The following ATP6V0E1 variants were observed in gnomAD, a reference collection of about 807,000 sequenced individuals.
ATP6V0E1 encodes the protein ATPase H+ transporting V0 subunit e1.
In ATP6V0E1, 4 loss-of-function variants were observed where a neutral mutation model predicts 11.6. The observed-to-expected ratio is 0.35, with a 90% confidence interval of 0.17 to 0.79. The LOEUF (loss-of-function observed/expected upper bound fraction) is 0.79. ATP6V0E1 is among the 30% of genes least tolerant of loss of function. The pLI, the probability that ATP6V0E1 is intolerant of heterozygous loss-of-function variation, is 0.54. For synonymous variants in ATP6V0E1, 36 were observed against 34.8 expected, an observed-to-expected ratio of 1.04 and a Z score of -0.13; for missense variants, 105 against 100.0, an observed-to-expected ratio of 1.05 and a Z score of -0.21.
At chr5:173,001,254 G>C (rs1319583036) in intron 2 of ATP6V0E1, among the ~76,000 whole-genome samples, 1 of 152,156 alleles carries the variant, frequency 6.6e-6, no homozygotes, top group Non-Finnish European at 1.5e-5. Flanking sequence ...TTAATAAGGA[G>C]AAGCAGATAA....
At chr5:173,024,398 T>TGTTGTTGTTTTTTGTC (rs1443985818) in intron 3 of ATP6V0E1, among the ~76,000 whole-genome samples, 1 of 151,854 alleles carries the variant, frequency 6.6e-6, no homozygotes, top group Non-Finnish European at 1.5e-5. Flanking sequence ...TGTTTTTTGT[T>TGTTGTTGTTTTTTGTC]GTTGTTGTTT....
chr5:173,025,295 C>T (rs1756541297), intron 3 of ATP6V0E1, among the ~76,000 whole-genome samples: 1 of 151,052 alleles, frequency 6.6e-6, no homozygotes, highest in Admixed American at 6.6e-5. Context: ...TAGGCACACA[C>T]CACCACACCC....
chr5:172,986,129 G>C lies in ATP6V0E1; in HGVS notation c.104+2165G>C, dbSNP rs534100880. Among the ~76,000 whole-genome samples, 88 of 152,316 alleles carry C rather than the reference G, an allele frequency of 5.8e-4. No individual in the cohort carries two copies. In the South Asian group the frequency reaches 6.0e-3, roughly 10 times the overall value. On this transcript the variant is annotated intron_variant, in intron 1 of 3. Coordinates refer to ENST00000519374, the MANE Select transcript of ATP6V0E1 (RefSeq NM_003945.4). Reference sequence around the variant, plus strand: ...TGCAGGACTGGAAATTGCTGTGAGTGAGTCAGTGACTGGTGAGTGAATGTG... The same window carrying C: ...TGCAGGACTGGAAATTGCTGTGAGTCAGTCAGTGACTGGTGAGTGAATGTG...
At chr5:173,018,488 T>C (rs1756435511) in intron 2 of ATP6V0E1, among the ~76,000 whole-genome samples, 1 of 152,132 alleles carries the variant, frequency 6.6e-6, no homozygotes, top group Admixed American at 6.6e-5. Flanking sequence ...CAAGTCGACC[T>C]GCATGGTTCA....
chr5:173,009,287 T>G (rs183870253), intron 2 of ATP6V0E1, among the ~76,000 whole-genome samples: 73 of 151,742 alleles, frequency 4.8e-4, no homozygotes, highest in African/African-American at 1.7e-3. Context: ...CCATGCCCAG[T>G]GGTGGCACCT....
At chr5:173,014,093 A>G (rs1756368645) in intron 2 of ATP6V0E1, among the ~76,000 whole-genome samples, 1 of 146,750 alleles carries the variant, frequency 6.8e-6, no homozygotes, top group African/African-American at 2.5e-5. Context: ...CCCGGGAGGT[A>G]GAGGTTGCAG....
At chr5:172,996,594 C>A (rs1270692697) in intron 2 of ATP6V0E1, among the ~76,000 whole-genome samples, 1 of 151,504 alleles carries the variant, frequency 6.6e-6, no homozygotes. Context: ...TACATACATA[C>A]ATACATAAAG....
intron 2 of ATP6V0E1, among the ~76,000 whole-genome samples, chr5:172,998,047 C>T (rs982389778): frequency 3.3e-5 from 5 of 151,824 alleles, no homozygotes; most frequent in African/African-American, 4.8e-5. Flanking sequence ...GAAGTCAAGG[C>T]TACAGTGAGC....
At chr5:173,000,701 A>ATT (rs34202828) in intron 2 of ATP6V0E1, among the ~76,000 whole-genome samples, 22,453 of 139,866 alleles carry the variant, frequency 0.16, 2,444 homozygotes, top group African/African-American at 0.3. Flanking sequence ...ATTATCAGTG[A>ATT]TTTTTTTTTT....
intron 2 of ATP6V0E1, among the ~76,000 whole-genome samples, chr5:173,005,699 T>C (rs1041241104): frequency 1.3e-5 from 2 of 152,244 alleles, no homozygotes; most frequent in Admixed American, 1.3e-4. Flanking sequence ...TCCTTCTTAC[T>C]TTGGATTTAA....
chr5:172,986,748 T>C (rs1221245074), intron 1 of ATP6V0E1: 1 of 449,390 alleles, frequency 2.2e-6, no homozygotes, highest in Non-Finnish European at 4.4e-6. Flanking sequence ...AGGAGATGGA[T>C]GGGGAAGATA....
chr5:173,013,744 C>T (rs1043980170), intron 2 of ATP6V0E1, among the ~76,000 whole-genome samples: 5 of 152,060 alleles, frequency 3.3e-5, no homozygotes, highest in South Asian at 2.1e-4. Flanking sequence ...AGATATTTCT[C>T]AAAAGAAGAC....
intron 1 of ATP6V0E1, among the ~76,000 whole-genome samples, chr5:172,985,211 C>T (rs1396628128): frequency 6.8e-6 from 1 of 147,448 alleles, no homozygotes; most frequent in Admixed American, 6.9e-5. Flanking sequence ...CGCCACTGCA[C>T]TCCAGCCTGG....
intron 1 of ATP6V0E1, chr5:172,987,084 C>A: frequency 5.1e-6 from 1 of 195,380 alleles, no homozygotes; most frequent in South Asian, 7.0e-5. Context: ...CCACGCCCGG[C>A]TGGAAGATAC....
chr5:173,008,926 A>C (rs1014176496), intron 2 of ATP6V0E1, among the ~76,000 whole-genome samples: 4 of 149,150 alleles, frequency 2.7e-5, no homozygotes, highest in Admixed American at 6.7e-5. Context: ...AAAAAAAAAA[A>C]AAAAAAAACT....
At chr5:173,019,157 T>C (rs1756443974) in intron 2 of ATP6V0E1, among the ~76,000 whole-genome samples, 1 of 152,204 alleles carries the variant, frequency 6.6e-6, no homozygotes, top group Non-Finnish European at 1.5e-5. Context: ...GTTCTCACTG[T>C]GTTGCCCAGA....
chr5:173,024,461 T>G (rs1305845834), intron 3 of ATP6V0E1, among the ~76,000 whole-genome samples: 1 of 152,132 alleles, frequency 6.6e-6, no homozygotes, highest in Non-Finnish European at 1.5e-5. Context: ...TGGTGTTAGT[T>G]TTTGGTAGTT....
At position 172,998,678 on chromosome 5, in the gene ATP6V0E1, G is replaced by A. The variant is rs1235490421; in HGVS notation, c.152+3856G>A. Among the ~76,000 whole-genome samples, 6 of 151,242 alleles carry A rather than the reference G, an allele frequency of 4.0e-5. No individual in the cohort carries two copies. The East Asian group carries it at 1.2e-3, about 29-fold the overall frequency. ...TATCATCAAGAACTGATTTTAGTAC[G>A]ATGGTTGACCATCAGCCTATCCTAC... On this transcript the variant is annotated intron_variant, in intron 2 of 3. Coordinates refer to ENST00000519374, the MANE Select transcript of ATP6V0E1 (RefSeq NM_003945.4).
At chr5:173,031,102 A>G (rs7721492) in intron 3 of ATP6V0E1, among the ~76,000 whole-genome samples, 88,486 of 151,670 alleles carry the variant, frequency 0.58, 27,052 homozygotes, top group East Asian at 0.88. Flanking sequence ...CCGCCACCAT[A>G]CCTGGCTAAT....
Sources: allele counts gnomAD v4.1 joint callset (sites outside exome capture counted in the v4.1 genomes callset), GRCh38; gene constraint gnomAD v4.1.1; transcripts MANE v1.5; gene names NCBI Gene and HGNC (gene_info 2026-07-23, HGNC 2026-07-21).